The following AGAP3 variants were observed in gnomAD, a reference collection of about 807,000 sequenced individuals.
The protein encoded by AGAP3 is ArfGAP with GTPase domain, ankyrin repeat and PH domain 3, also known as arf-GAP with GTPase, ANK repeat and PH domain-containing protein 3.
AGAP3 carries 24 observed loss-of-function variants against 96.9 expected under a neutral mutation model. That is an observed-to-expected ratio of 0.25 (90% confidence interval 0.18 to 0.35). AGAP3 has a LOEUF of 0.35. Among genes scored for constraint, AGAP3 ranks in the 10% least tolerant of loss-of-function variants. AGAP3 has a pLI of 1.00. For missense variants in AGAP3, 876 were observed against 1,254.2 expected (o/e 0.70, Z 4.55); for synonymous variants, 563 against 536.1 (o/e 1.05, Z -0.69).
chr7:151,125,374 G>A (rs893665091), intron 9 of AGAP3, among the ~76,000 whole-genome samples: 3 of 152,228 alleles, frequency 2.0e-5, no homozygotes, highest in African/African-American at 7.2e-5. Flanking sequence ...GGTTGGGGAG[G>A]AAGCCCTGTG....
rs1169140860 is a variant in AGAP3, at chr7:151,142,267, T to A, written c.2050+14T>A. The stretch of plus-strand genomic sequence containing the variant: ...GCGATGCACCCAGTGAGTGCAAGGC[T>A]GGTGGGGCTGGGAGCTGGGGATGGC... On this transcript the variant is annotated intron_variant, in intron 15 of 17. Transcript: ENST00000397238. This position sits in a 1 kb window ranked among gnomAD's most constrained non-coding sequence, Gnocchi z 7.5. 6.2e-7 allele frequency: 1 copy of A among 1,611,148 alleles called. No homozygotes were observed.
chr7:151,106,574 T>C (rs1467000082), intron 1 of AGAP3, among the ~76,000 whole-genome samples: 1 of 151,754 alleles, frequency 6.6e-6, no homozygotes, highest in Non-Finnish European at 1.5e-5. Flanking sequence ...TCCTCCCGGG[T>C]TCAAGCAATT....
chr7:151,128,907 A>C (rs1800291437), intron 10 of AGAP3, among the ~76,000 whole-genome samples: 1 of 152,058 alleles, frequency 6.6e-6, no homozygotes, highest in Non-Finnish European at 1.5e-5. Context: ...TGTATATCCG[A>C]CTTTCCAGTT....
intron 1 of AGAP3, among the ~76,000 whole-genome samples, chr7:151,092,095 G>A (rs954409023): frequency 1.3e-5 from 2 of 152,170 alleles, no homozygotes; most frequent in Admixed American, 6.5e-5. Context: ...CCTAGAAACC[G>A]CAGGAGTTGG....
At position 151,143,472 on chromosome 7, in the gene AGAP3, T is replaced by C. The variant is rs1375092611; in HGVS notation, c.2405T>C (p.Val802Ala). 6.2e-7 allele frequency: 1 copy of C among 1,614,190 alleles called. No homozygotes were observed. Among genetic ancestry groups the C allele is most frequent in the South Asian group, 1.1e-5 (1 of 91,086 alleles). ...GTGGAAGATGACCTGCGGCTGTTGG[T>C]GATGCTCCTGGCACATGGCTCCAAA... Reference protein sequence around the residue: ...AVVEDDLRLLVMLLAHGSKEE... With the variant: ...AVVEDDLRLLAMLLAHGSKEE... The change falls in exon 17 of 18, where the codon GTG becomes GCG. Residue 802 changes from valine (V) to alanine (A), a missense_variant. Coordinates refer to ENST00000397238, the MANE Select transcript of AGAP3 (RefSeq NM_031946.7). This position sits in a 1 kb window ranked among gnomAD's most constrained non-coding sequence, Gnocchi z 5.9.
At chr7:151,128,770 AGGATGGAC>A in intron 10 of AGAP3, 86 bp downstream of exon 10, 1 of 1,163,372 alleles carries the variant, frequency 8.6e-7, no homozygotes, top group Non-Finnish European at 1.3e-6. Flanking sequence ...GACAGGCTCC[AGGATGGAC>A]GGGAAGCAGA....
Position 151,087,007 on chromosome 7 carries a change from T to G in AGAP3, c.266T>G (p.Leu89Arg). ...VHPNIYAIYD[L>R]IERIEDLALQ... Reference sequence around the variant, plus strand: ...CCCAATATCTACGCCATCTACGACCTGATCGAGCGCATCGAGGATTTGGCG... The same window carrying G: ...CCCAATATCTACGCCATCTACGACCGGATCGAGCGCATCGAGGATTTGGCG... Residue 89 changes from leucine to arginine, a missense_variant, in exon 1 of 18, where the codon CTG (leucine) becomes CGG (arginine). Coordinates refer to ENST00000397238, the MANE Select transcript of AGAP3 (RefSeq NM_031946.7). 1.9e-6 allele frequency: 3 copies of G among 1,613,102 alleles called. No homozygotes were observed. The highest frequency in any genetic ancestry group is 2.5e-6 in the Non-Finnish European group (3 of 1,179,592).
At chr7:151,103,437 C>G (rs1401938249) in intron 1 of AGAP3, among the ~76,000 whole-genome samples, 1 of 152,214 alleles carries the variant, frequency 6.6e-6, no homozygotes, top group Non-Finnish European at 1.5e-5. Context: ...AACAAACTGA[C>G]AGATTCCCCC....
At position 151,118,611 on chromosome 7, in the gene AGAP3, C is replaced by T; in HGVS notation, c.948C>T (p.Ile316=). 6.2e-7 allele frequency: 1 copy of T among 1,613,650 alleles called. No individual in the cohort carries two copies. Among genetic ancestry groups the T allele is most frequent in the Non-Finnish European group, 8.5e-7 (1 of 1,179,974 alleles). Residue 316 remains isoleucine, a synonymous_variant, in exon 7 of 18, where the codon ATC becomes ATT. Coordinates refer to ENST00000397238, the MANE Select transcript of AGAP3 (RefSeq NM_031946.7). This position sits in a 1 kb window ranked among gnomAD's most constrained non-coding sequence, Gnocchi z 6.1. ...PSHSAVSAAS[I]PAVHINQATN... ...ACTCGGCCGTGTCCGCCGCCTCCAT[C>T]CCGGCCGTGCACATCAACCAGGTTC...
rs771977697 is a variant in AGAP3, at chr7:151,118,816, A to T, written c.969+184A>T. On this transcript the variant is annotated intron_variant, in intron 7 of 17. Transcript: ENST00000397238. This position sits in a 1 kb window ranked among gnomAD's most constrained non-coding sequence, Gnocchi z 6.1. ...TAGCCGGCACCGTAGCCTTGGCCTC[A>T]TCCCTGCCCCACGGTGCCTGCCCCT... Among the ~76,000 whole-genome samples, 6 of 152,088 alleles carry T rather than the reference A, an allele frequency of 3.9e-5. No homozygotes were observed. The highest frequency in any genetic ancestry group is 8.8e-5 in the Non-Finnish European group (6 of 68,032).
At chr7:151,130,865 C>T (rs1407683232) in intron 10 of AGAP3, among the ~76,000 whole-genome samples, 5 of 152,216 alleles carry the variant, frequency 3.3e-5, no homozygotes, top group Non-Finnish European at 7.3e-5. Context: ...ACCTCACCTC[C>T]TTCATCTCCC....
In AGAP3 at chr7:151,137,853, C is replaced by G. The variant is rs187003824; in HGVS notation, c.1496-290C>G. The G allele has an allele frequency of 2.8e-5, 13 of 466,312 alleles. No individual in the cohort carries two copies. In the East Asian group the frequency reaches 4.2e-4, roughly 15 times the overall value. The allele number at this position is 466,312 out of a possible 1,614,324, so 28.9% of individuals were successfully genotyped here. Reference sequence around the variant, plus strand: ...CGATGGGTGTCAGCACCACCCAGCTCGTTCCACAAGTTGGAAGATCTCTGA... The same window carrying G: ...CGATGGGTGTCAGCACCACCCAGCTGGTTCCACAAGTTGGAAGATCTCTGA... On this transcript the variant is annotated intron_variant, in intron 11 of 17. Coordinates refer to ENST00000397238, the MANE Select transcript of AGAP3 (RefSeq NM_031946.7).
chr7:151,134,787 G>T (rs1344964615), intron 11 of AGAP3, among the ~76,000 whole-genome samples: 1 of 152,228 alleles, frequency 6.6e-6, no homozygotes, highest in African/African-American at 2.4e-5. Context: ...CTGGATGTCA[G>T]ATGGGGCCAA....
chr7:151,128,488 G>C, intron 9 of AGAP3, 92 bp from the exon 10 acceptor site: 1 of 1,034,614 alleles, frequency 9.7e-7, no homozygotes. Context: ...AGCGGGGAGG[G>C]GGGAGGGCAT....
chr7:151,122,547 T>C (rs553916540), intron 8 of AGAP3, among the ~76,000 whole-genome samples: 31 of 150,074 alleles, frequency 2.1e-4, no homozygotes, highest in South Asian at 4.2e-4. Flanking sequence ...TCCTCCTCCT[T>C]CTCCTCCTCC....
Position 151,110,235 on chromosome 7 carries a change from T to A in AGAP3, c.332-6558T>A, listed in dbSNP as rs539556594. ...GCACAGTGCATGCTCAGCAAAGACT[T>A]CCACTCATTCACTCGGGGAATCATG... On this transcript the variant is annotated intron_variant, in intron 1 of 17. Transcript: ENST00000397238. 9.8e-5 allele frequency among the ~76,000 whole-genome samples: 15 copies of A among 152,318 alleles called. No individual in the cohort carries two copies. The East Asian group carries it at 2.5e-3, about 25-fold the overall frequency.
chr7:151,104,758 C>T (rs928468978), intron 1 of AGAP3, among the ~76,000 whole-genome samples: 5 of 152,184 alleles, frequency 3.3e-5, no homozygotes, highest in African/African-American at 4.8e-5. Context: ...TCACATGCCT[C>T]GGGAAGAACA....
chr7:151,139,857 C>T lies in AGAP3; in HGVS notation c.1667-122C>T, dbSNP rs562652804. On this transcript the variant is annotated intron_variant, in intron 12 of 17. Transcript: ENST00000397238. This position sits in a 1 kb window ranked among gnomAD's most constrained non-coding sequence, Gnocchi z 4.9. Reference sequence around the variant, plus strand: ...CGCCTAGAGAGAGGTGTCCGTCTGGCTCTCCTGAGTGTGGCCCAGCTACAG... The same window carrying T: ...CGCCTAGAGAGAGGTGTCCGTCTGGTTCTCCTGAGTGTGGCCCAGCTACAG... 8.2e-5 allele frequency: 80 copies of T among 970,456 alleles called. No individual in the cohort carries two copies. Among genetic ancestry groups the T allele is most frequent in the Non-Finnish European group, 1.0e-4 (75 of 719,514 alleles). The allele number at this position is 970,456 out of a possible 1,614,324, so 60.1% of individuals were successfully genotyped here. A position where few individuals can be genotyped will look rare whatever the true frequency, so the allele number is the denominator to read the frequency against.
At chr7:151,099,729 C>T (rs1023650989) in intron 1 of AGAP3, among the ~76,000 whole-genome samples, 11 of 152,228 alleles carry the variant, frequency 7.2e-5, no homozygotes, top group African/African-American at 1.7e-4. Context: ...CCCTCGGGAC[C>T]GTGGGTCAGA....
Sources: allele counts gnomAD v4.1 joint callset (sites outside exome capture counted in the v4.1 genomes callset), GRCh38; gene constraint gnomAD v4.1.1; non-coding constraint Gnocchi (gnomAD v3.1); transcripts MANE v1.5; gene names NCBI Gene and HGNC (gene_info 2026-07-23, HGNC 2026-07-21).